TFEC: variants seen among roughly 807,000 people sequenced by gnomAD.
TFEC encodes the protein transcription factor EC, also known as class E basic helix-loop-helix protein 34.
TFEC carries 31 observed loss-of-function variants against 41.6 expected under a neutral mutation model. That is an observed-to-expected ratio of 0.74 (90% CI 0.56 to 1.01). The LOEUF is 1.01. TFEC is among the 50% of genes least tolerant of loss of function. The pLI is 0.00. For missense variants in TFEC, 402 were observed against 404.1 expected (o/e 0.99, Z 0.04); for synonymous variants, 143 against 140.6 (o/e 1.02, Z -0.12).
chr7:116,127,375 G>C (rs769625447), intron 1 of TFEC, among the ~76,000 whole-genome samples: 4 of 151,904 alleles, frequency 2.6e-5, no homozygotes, highest in African/African-American at 9.7e-5. Context: ...GAGCCACCGC[G>C]CCCAGCCTGG....
At chr7:116,019,167 CA>C (rs1795303206) in intron 1 of TFEC, among the ~76,000 whole-genome samples, 2 of 152,032 alleles carry the variant, frequency 1.3e-5, no homozygotes, top group South Asian at 2.1e-4. Flanking sequence ...ATGGTCCAGC[CA>C]AAAACACTGG....
intron 1 of TFEC, among the ~76,000 whole-genome samples, chr7:115,985,608 T>C (rs1294938017): frequency 6.6e-6 from 1 of 152,082 alleles, no homozygotes; most frequent in Admixed American, 6.6e-5. Flanking sequence ...GCATTTAAAT[T>C]AGCTGGTTTG....
chr7:116,151,540 G>T (rs550405875), intron 1 of TFEC, among the ~76,000 whole-genome samples: 1 of 152,228 alleles, frequency 6.6e-6, no homozygotes, highest in African/African-American at 2.4e-5. Flanking sequence ...ACTGTGCCCA[G>T]ACCTAGCTGT....
chr7:116,058,017 A>G (rs1159056235), intron 3 of TFEC, among the ~76,000 whole-genome samples: 1 of 150,556 alleles, frequency 6.6e-6, no homozygotes, highest in Admixed American at 6.6e-5. Context: ...AAGATGACAG[A>G]TTTAAACCTA....
At chr7:115,949,534 G>A (rs1028038254) in intron 6 of TFEC, among the ~76,000 whole-genome samples, 1 of 152,126 alleles carries the variant, frequency 6.6e-6, no homozygotes, top group Non-Finnish European at 1.5e-5. Flanking sequence ...AGAGCCCTCA[G>A]AAATAATACC....
At chr7:115,992,440 C>A (rs1366627074) in intron 1 of TFEC, among the ~76,000 whole-genome samples, 5 of 151,996 alleles carry the variant, frequency 3.3e-5, no homozygotes, top group Non-Finnish European at 7.4e-5. Flanking sequence ...AAAAGATCAA[C>A]AAAATTGATA....
chr7:116,145,008 T>C (rs925529172), intron 1 of TFEC, among the ~76,000 whole-genome samples: 1 of 152,332 alleles, frequency 6.6e-6, no homozygotes, highest in Admixed American at 6.5e-5. Flanking sequence ...ATATAGACTA[T>C]ATTGCTAGGA....
At chr7:116,000,896 A>G (rs892002467) in intron 1 of TFEC, among the ~76,000 whole-genome samples, 5 of 152,072 alleles carry the variant, frequency 3.3e-5, no homozygotes, top group Admixed American at 1.3e-4. Context: ...TACAGATTCA[A>G]TGCAATCCCT....
chr7:116,045,737 C>T (rs1205017492), intron 3 of TFEC, among the ~76,000 whole-genome samples: 1 of 152,228 alleles, frequency 6.6e-6, no homozygotes, highest in East Asian at 1.9e-4. Context: ...GGTCACCATC[C>T]TCAAGACCCC....
chr7:115,990,649 G>T (rs1794067405), intron 1 of TFEC, among the ~76,000 whole-genome samples: 2 of 151,938 alleles, frequency 1.3e-5, no homozygotes, highest in Admixed American at 1.3e-4. Flanking sequence ...GAAGATCAAA[G>T]GAATGAAATG....
intron 1 of TFEC, among the ~76,000 whole-genome samples, chr7:115,999,324 A>C (rs1379986729): frequency 6.6e-6 from 1 of 152,136 alleles, no homozygotes; most frequent in Middle Eastern, 3.4e-3. Context: ...ACCAAAATGT[A>C]TGAAATACAG....
chr7:115,984,258 A>C lies in TFEC; in HGVS notation c.180+4T>G. 1.2e-6 allele frequency: 2 copies of C among 1,612,666 alleles called. No individual in the cohort carries two copies. Among genetic ancestry groups the C allele is most frequent in the Non-Finnish European group, 1.7e-6 (2 of 1,178,746 alleles). ...ATATTTTTATAACCAGCCATTAGAC[A>C]TACATGCCATTGTGCATTGTCATCT... On this transcript the variant is annotated splice_donor_region_variant and intron_variant, in intron 2 of 7. Transcript: ENST00000265440.
At chr7:116,010,471 G>C (rs1022972228) in intron 1 of TFEC, among the ~76,000 whole-genome samples, 5 of 152,142 alleles carry the variant, frequency 3.3e-5, no homozygotes, top group Non-Finnish European at 7.4e-5. Context: ...TGGTGTTCAA[G>C]AAAGAATAGA....
chr7:116,004,415 A>T (rs916688676), intron 1 of TFEC, among the ~76,000 whole-genome samples: 1 of 152,210 alleles, frequency 6.6e-6, no homozygotes, highest in Non-Finnish European at 1.5e-5. Flanking sequence ...TAGAATGTAC[A>T]ATGCCAAGAG....
At chr7:116,132,796 T>C (rs1307346308) in intron 1 of TFEC, among the ~76,000 whole-genome samples, 1 of 152,218 alleles carries the variant, frequency 6.6e-6, no homozygotes, top group Admixed American at 6.5e-5. Flanking sequence ...CTATAGAATA[T>C]TAGTTAGCTG....
At chr7:116,038,785 T>C (rs989184508) in intron 3 of TFEC, among the ~76,000 whole-genome samples, 1 of 152,164 alleles carries the variant, frequency 6.6e-6, no homozygotes. Flanking sequence ...TAGGATAGGA[T>C]ATGCTGGTGT....
In TFEC at chr7:115,935,657, C is replaced by T. The variant is rs1793193687; in HGVS notation, c.*4894G>A. 1 of 151,486 alleles carries T rather than the reference C, an allele frequency of 6.6e-6. No individual in the cohort carries two copies. Among genetic ancestry groups the T allele is most frequent in the African/African-American group, 2.4e-5 (1 of 41,366 alleles). 9.4% of individuals were successfully genotyped at this position (151,486 alleles called of 1,614,324 possible). On this transcript the variant is annotated 3_prime_UTR_variant, in exon 8 of 8. Coordinates refer to ENST00000265440, the MANE Select transcript of TFEC (RefSeq NM_012252.4). ...ATATTTTGTCTGCTACATAAACTAC[C>T]AGCTTTAGCACAAGAACAAAATTTA...
chr7:115,957,173 G>A (rs1267296840), intron 3 of TFEC, among the ~76,000 whole-genome samples: 2 of 151,788 alleles, frequency 1.3e-5, no homozygotes, highest in Non-Finnish European at 2.9e-5. Context: ...TGCAAAGCTG[G>A]AAAGTTCACC....
intron 1 of TFEC, among the ~76,000 whole-genome samples, chr7:116,146,042 A>T (rs144110664): frequency 1.2e-3 from 185 of 152,340 alleles, no homozygotes; most frequent in African/African-American, 4.4e-3. Flanking sequence ...CAATAATGGA[A>T]GACAAGTAAT....
Sources: allele counts gnomAD v4.1 joint callset (sites outside exome capture counted in the v4.1 genomes callset), GRCh38; gene constraint gnomAD v4.1.1; transcripts MANE v1.5; gene names NCBI Gene and HGNC (gene_info 2026-07-23, HGNC 2026-07-21).